Variants in ERBB4 observed in about 807,000 individuals in gnomAD.
ERBB4 encodes erb-b2 receptor tyrosine kinase 4, also known as receptor tyrosine-protein kinase erbB-4.
ERBB4 carries 42 observed loss-of-function variants against 158.0 expected under a neutral mutation model. The observed-to-expected ratio is 0.27, with a 90% confidence interval of 0.21 to 0.34. The LOEUF (loss-of-function observed/expected upper bound fraction) is 0.34, where lower values mean the gene tolerates loss of function less well. Among genes scored for constraint, ERBB4 ranks in the 10% least tolerant of loss-of-function variants. ERBB4 has a pLI of 1.00. For missense variants in ERBB4, 1,333 were observed against 1,624.1 expected (o/e 0.82, Z 3.08); for synonymous variants, 583 against 558.7 (o/e 1.04, Z -0.61).
chr2:211,685,106 T>A (rs2072510719), intron 12 of ERBB4, among the ~76,000 whole-genome samples: 1 of 152,242 alleles, frequency 6.6e-6, no homozygotes, highest in African/African-American at 2.4e-5. Context: ...CTTAGGATAT[T>A]TTACAGAGCA....
chr2:212,397,155 T>C (rs781490820), intron 1 of ERBB4, among the ~76,000 whole-genome samples: 3 of 152,082 alleles, frequency 2.0e-5, no homozygotes, highest in Non-Finnish European at 4.4e-5. Context: ...AATATAGTTA[T>C]AAAATATCAG....
At chr2:212,334,748 T>C (rs999348551) in intron 1 of ERBB4, among the ~76,000 whole-genome samples, 6 of 152,032 alleles carry the variant, frequency 3.9e-5, no homozygotes, top group African/African-American at 1.4e-4. Flanking sequence ...TCATATTTAT[T>C]AAAAATCTGA....
rs1305171372 is a variant in ERBB4 at position 211,913,710 on chromosome 2, T to G, written c.421+33720A>C. Reference sequence around the variant, plus strand: ...ATATATACATAGAGAGAGAGAGCAATAAAATTTGGTATAGTGTCTATCACG... The same window carrying G: ...ATATATACATAGAGAGAGAGAGCAAGAAAATTTGGTATAGTGTCTATCACG... On this transcript the variant is annotated intron_variant, in intron 3 of 27. Coordinates refer to ENST00000342788, the MANE Select transcript of ERBB4 (RefSeq NM_005235.3). Among the ~76,000 whole-genome samples, 3 of 149,850 alleles carry G rather than the reference T, an allele frequency of 2.0e-5. No individual in the cohort carries two copies. In the East Asian group the frequency reaches 5.9e-4, roughly 30 times the overall value.
chr2:212,270,505 C>A (rs2085303985), intron 1 of ERBB4, among the ~76,000 whole-genome samples: 1 of 151,530 alleles, frequency 6.6e-6, no homozygotes, highest in South Asian at 2.1e-4. Flanking sequence ...GTTGGTAATT[C>A]TTTGATAGTT....
chr2:211,804,830 G>A (rs1245382298), intron 3 of ERBB4, among the ~76,000 whole-genome samples: 1 of 151,958 alleles, frequency 6.6e-6, no homozygotes, highest in Admixed American at 6.6e-5. Flanking sequence ...GAGGAACATG[G>A]TTAGAGTGAA....
At chr2:211,985,860 T>G (rs2081924136) in intron 2 of ERBB4, among the ~76,000 whole-genome samples, 1 of 152,148 alleles carries the variant, frequency 6.6e-6, no homozygotes, top group African/African-American at 2.4e-5. Flanking sequence ...TAAAATGTTG[T>G]ATCGAAGGGA....
At chr2:211,725,403 A>G (rs1346402389) in intron 5 of ERBB4, among the ~76,000 whole-genome samples, 1 of 152,204 alleles carries the variant, frequency 6.6e-6, no homozygotes, top group Non-Finnish European at 1.5e-5. Context: ...TTCTTGTTTC[A>G]GCAAATAATT....
At chr2:212,294,932 A>G (rs2086354795) in intron 1 of ERBB4, among the ~76,000 whole-genome samples, 1 of 152,108 alleles carries the variant, frequency 6.6e-6, no homozygotes, top group African/African-American at 2.4e-5. Flanking sequence ...CTGAGGGCAA[A>G]GCCAGGCATG....
chr2:211,743,172 A>C (rs1182228828), intron 5 of ERBB4, among the ~76,000 whole-genome samples: 1 of 152,320 alleles, frequency 6.6e-6, no homozygotes, highest in East Asian at 1.9e-4. Context: ...TTTTTCAATC[A>C]GCTTATCAGC....
intron 3 of ERBB4, among the ~76,000 whole-genome samples, chr2:211,939,951 A>G (rs2080441108): frequency 7.6e-6 from 1 of 132,158 alleles, no homozygotes; most frequent in Non-Finnish European, 1.5e-5. Context: ...CGTCTCAAAA[A>G]AAAAGGAAAA....
intron 1 of ERBB4, among the ~76,000 whole-genome samples, chr2:212,269,048 C>T (rs55921734): frequency 0.029 from 4,393 of 151,356 alleles, 71 homozygotes; most frequent in Non-Finnish European, 0.037. Flanking sequence ...TTTTAAAATC[C>T]TTTCAGTTAT....
chr2:211,850,627 A>C (rs2077694976), intron 3 of ERBB4, among the ~76,000 whole-genome samples: 1 of 151,852 alleles, frequency 6.6e-6, no homozygotes, highest in Non-Finnish European at 1.5e-5. Flanking sequence ...GGAAATATTC[A>C]TTTCAGCTGG....
At chr2:212,036,837 C>G (rs954119506) in intron 2 of ERBB4, among the ~76,000 whole-genome samples, 1 of 152,158 alleles carries the variant, frequency 6.6e-6, no homozygotes, top group Non-Finnish European at 1.5e-5. Flanking sequence ...AACAACTACC[C>G]TTTGATTGAA....
intron 3 of ERBB4, among the ~76,000 whole-genome samples, chr2:211,925,206 A>G (rs954193567): frequency 2.6e-5 from 4 of 152,280 alleles, no homozygotes; most frequent in Non-Finnish European, 4.4e-5. Flanking sequence ...TCTTTATAAG[A>G]ACTGCCTTGC....
intron 20 of ERBB4, among the ~76,000 whole-genome samples, chr2:211,525,982 T>TG (rs1193786683): frequency 6.6e-6 from 1 of 152,030 alleles, no homozygotes; most frequent in Non-Finnish European, 1.5e-5. Flanking sequence ...AGCTGCCAGA[T>TG]GGGGGAACTG....
intron 20 of ERBB4, among the ~76,000 whole-genome samples, chr2:211,433,892 T>C (rs146991556): frequency 7.2e-4 from 110 of 152,300 alleles, no homozygotes; most frequent in African/African-American, 2.4e-3. Flanking sequence ...CTCCGCTCAC[T>C]ATTTCTTCCC....
intron 25 of ERBB4, among the ~76,000 whole-genome samples, chr2:211,413,921 A>C (rs1047389486): frequency 1.9e-4 from 29 of 151,688 alleles, no homozygotes; most frequent in African/African-American, 6.5e-4. Flanking sequence ...CACACGAGAT[A>C]AAGAGGCCAG....
chr2:211,852,794 C>T (rs951631177), intron 3 of ERBB4, among the ~76,000 whole-genome samples: 1 of 151,796 alleles, frequency 6.6e-6, no homozygotes, highest in African/African-American at 2.4e-5. Flanking sequence ...GCTCCTACTA[C>T]TTGCTGCAAA....
intron 12 of ERBB4, among the ~76,000 whole-genome samples, chr2:211,700,223 T>C (rs1216606746): frequency 2.0e-5 from 3 of 152,266 alleles, no homozygotes; most frequent in South Asian, 4.1e-4. Flanking sequence ...CTTTGGGGCA[T>C]GTACACACAC....
Sources: gnomAD v4.1 joint callset for allele counts (sites outside exome capture counted in the v4.1 genomes callset) on GRCh38, gnomAD v4.1.1 for gene constraint, MANE v1.5 for transcripts, NCBI Gene and HGNC (gene_info 2026-07-23, HGNC 2026-07-21) for gene names.